GRIA4: variants seen among roughly 807,000 people sequenced by gnomAD.
The protein encoded by GRIA4 is glutamate receptor 4.
A neutral mutation model predicts 104.0 loss-of-function variants in GRIA4; 34 were observed. The ratio of observed to expected loss-of-function variants is 0.33; its 90% CI spans 0.25 to 0.44. The LOEUF (loss-of-function observed/expected upper bound fraction) is 0.44. Among genes scored for constraint, GRIA4 ranks in the 20% least tolerant of loss-of-function variants. GRIA4 has a pLI of 1.00. For missense variants in GRIA4, 750 were observed against 1,096.5 expected, an observed-to-expected ratio of 0.68 and a Z score of 4.46; for synonymous variants, 386 against 381.9, an observed-to-expected ratio of 1.01 and a Z score of -0.13.
chr11:105,893,600 G>A (rs967894441), intron 6 of GRIA4, among the ~76,000 whole-genome samples: 3 of 152,096 alleles, frequency 2.0e-5, no homozygotes, highest in African/African-American at 4.8e-5. Flanking sequence ...GGATGGACTC[G>A]AAAATGTGAA....
chr11:105,871,569 A>C (rs1357705674), intron 5 of GRIA4, among the ~76,000 whole-genome samples: 1 of 151,688 alleles, frequency 6.6e-6, no homozygotes, highest in Non-Finnish European at 1.5e-5. Context: ...ACTGATTTAT[A>C]AAGACAGGGT....
chr11:105,772,700 A>C (rs1440243965), intron 4 of GRIA4, among the ~76,000 whole-genome samples: 1 of 152,062 alleles, frequency 6.6e-6, no homozygotes, highest in Non-Finnish European at 1.5e-5. Context: ...ACATATTTGC[A>C]TATACTTATA....
intron 13 of GRIA4, among the ~76,000 whole-genome samples, chr11:105,931,595 C>A (rs1947876749): frequency 6.6e-6 from 1 of 151,898 alleles, no homozygotes; most frequent in Admixed American, 6.6e-5. Flanking sequence ...ATCACAGGTA[C>A]TCAGGAGGCT....
Position 105,881,404 on chromosome 11 carries a change from A to G in GRIA4, c.673-6115A>G, listed in dbSNP as rs147359189. Among the ~76,000 whole-genome samples, 4 of 152,268 alleles carry G rather than the reference A, an allele frequency of 2.6e-5. No homozygotes were observed. The East Asian group carries it at 7.7e-4, about 29-fold the overall frequency. On this transcript the variant is annotated intron_variant, in intron 5 of 16. Transcript: ENST00000282499. ...CAAGTATGCATTGACATGACAAGGA[A>G]ACAGATGAGGCAAGACATTGATAGT...
chr11:105,691,657 C>T (rs888039726), intron 3 of GRIA4, among the ~76,000 whole-genome samples: 2 of 151,916 alleles, frequency 1.3e-5, no homozygotes, highest in Non-Finnish European at 2.9e-5. Context: ...AAAAATGTGG[C>T]CAGGCGCAGT....
chr11:105,766,365 T>C (rs147271376), intron 4 of GRIA4, among the ~76,000 whole-genome samples: 2,053 of 152,322 alleles, frequency 0.013, 22 homozygotes, highest in Non-Finnish European at 0.019. Flanking sequence ...ACTATTTATC[T>C]ATGCATGGTA....
At chr11:105,831,831 C>T (rs577669479) in intron 4 of GRIA4, among the ~76,000 whole-genome samples, 50 of 152,132 alleles carry the variant, frequency 3.3e-4, no homozygotes, top group African/African-American at 1.2e-3. Context: ...CATTCTAAGA[C>T]GCCATCGTAT....
chr11:105,732,458 C>T (rs1246394394), intron 3 of GRIA4, among the ~76,000 whole-genome samples: 1 of 152,134 alleles, frequency 6.6e-6, no homozygotes, highest in Non-Finnish European at 1.5e-5. Context: ...AAGATGCCTA[C>T]AAGCCGTCAT....
chr11:105,921,306 GGTGTGTGTGTGT>G lies in GRIA4; in HGVS notation c.1476+2421_1476+2432del, dbSNP rs5794436. ...ATTTCCTTGGCCTCTACCACACTTG[GGTGTGTGTGTGT>G]GTGTGTGTGTGTGTGTGTGTGTGTG... is the stretch of plus-strand genomic sequence containing the variant. On this transcript the variant is annotated intron_variant, in intron 11 of 16. Transcript: ENST00000282499. Among the ~76,000 whole-genome samples, 214 of 138,848 alleles carry G rather than the reference GGTGTGTGTGTGT, an allele frequency of 1.5e-3. 1 individual carries two copies. The highest frequency in any genetic ancestry group is 4.3e-3 in the African/African-American group (161 of 37,372). The allele number at this position is 138,848 out of a possible 152,430, so 91.1% of individuals were successfully genotyped here. A position where few individuals can be genotyped will look rare whatever the true frequency, so the allele number is the denominator to read the frequency against.
At chr11:105,890,284 T>C (rs1050156198) in intron 6 of GRIA4, among the ~76,000 whole-genome samples, 8 of 152,192 alleles carry the variant, frequency 5.3e-5, no homozygotes, top group Non-Finnish European at 7.4e-5. Flanking sequence ...CTTTAGATTC[T>C]TTAAAAATGA....
intron 11 of GRIA4, among the ~76,000 whole-genome samples, chr11:105,920,497 A>T (rs1462816488): frequency 6.6e-6 from 1 of 152,122 alleles, no homozygotes; most frequent in Non-Finnish European, 1.5e-5. Context: ...GACGTGAGTT[A>T]CTTTCTGAGG....
chr11:105,904,662 A>G (rs999553466), intron 8 of GRIA4, among the ~76,000 whole-genome samples: 12 of 152,208 alleles, frequency 7.9e-5, no homozygotes, highest in African/African-American at 9.6e-5. Context: ...TTAATGTTAC[A>G]TTTTAAATGT....
chr11:105,667,668 C>A (rs1328297624), intron 3 of GRIA4, among the ~76,000 whole-genome samples: 1 of 151,758 alleles, frequency 6.6e-6, no homozygotes, highest in Non-Finnish European at 1.5e-5. Flanking sequence ...TTTATCTATT[C>A]TTTTTATTCA....
chr11:105,916,478 A>G (rs1017461878), intron 10 of GRIA4, among the ~76,000 whole-genome samples: 1 of 152,190 alleles, frequency 6.6e-6, no homozygotes, highest in African/African-American at 2.4e-5. Flanking sequence ...CTTTGCCATT[A>G]TTACAAAAAA....
intron 3 of GRIA4, among the ~76,000 whole-genome samples, chr11:105,638,462 T>C (rs1951269322): frequency 6.6e-6 from 1 of 152,066 alleles, no homozygotes; most frequent in South Asian, 2.1e-4. Flanking sequence ...TAAATAAATA[T>C]GATCAGGGCA....
chr11:105,869,532 A>T (rs1004311520), intron 5 of GRIA4, among the ~76,000 whole-genome samples: 4 of 152,118 alleles, frequency 2.6e-5, no homozygotes, highest in African/African-American at 9.7e-5. Flanking sequence ...TAACATCATA[A>T]TTATTTCAGT....
At chr11:105,630,720 T>A (rs1038834054) in intron 3 of GRIA4, among the ~76,000 whole-genome samples, 48 of 152,092 alleles carry the variant, frequency 3.2e-4, no homozygotes, top group Non-Finnish European at 4.1e-4. Flanking sequence ...TTTAAAAAAA[T>A]TTTAAAAATT....
rs1265386132 is a variant in GRIA4 at position 105,785,522 on chromosome 11, G to A, written c.487+32302G>A. ...CAATTGTTTCTTGGAAAATCATCACGATCAAACATTTCTGAAGCATGAACC... is the reference window on the plus strand; with the variant it reads ...CAATTGTTTCTTGGAAAATCATCACAATCAAACATTTCTGAAGCATGAACC... On this transcript the variant is annotated intron_variant, in intron 4 of 16. Coordinates refer to ENST00000282499, the MANE Select transcript of GRIA4 (RefSeq NM_000829.4). 2.0e-5 allele frequency among the ~76,000 whole-genome samples: 3 copies of A among 152,114 alleles called. No individual in the cohort carries two copies. The South Asian group carries it at 6.2e-4, about 32-fold the overall frequency.
At chr11:105,945,181 T>G (rs1403379621) in intron 14 of GRIA4, among the ~76,000 whole-genome samples, 6 of 151,986 alleles carry the variant, frequency 3.9e-5, no homozygotes, top group African/African-American at 7.3e-5. Flanking sequence ...GCTGAAAAAA[T>G]TACCCAAGCA....
Sources: allele counts gnomAD v4.1 joint callset (sites outside exome capture counted in the v4.1 genomes callset), GRCh38; gene constraint gnomAD v4.1.1; transcripts MANE v1.5; gene names NCBI Gene and HGNC (gene_info 2026-07-23, HGNC 2026-07-21).